The following ZFYVE28 variants were observed in gnomAD, a reference collection of about 807,000 sequenced individuals.
ZFYVE28 encodes the protein zinc finger FYVE-type containing 28.
Under a neutral mutation model 82.1 loss-of-function variants are expected in ZFYVE28, and 40 were observed. The observed-to-expected ratio is 0.49, with a 90% CI of 0.38 to 0.63. The LOEUF (loss-of-function observed/expected upper bound fraction) is 0.63. ZFYVE28 is among the 30% of genes least tolerant of loss of function. The pLI, the probability that ZFYVE28 is intolerant of heterozygous loss-of-function variation, is 0.00. For missense variants in ZFYVE28, 1,321 were observed against 1,242.1 expected (o/e 1.06, Z -0.96); for synonymous variants, 612 against 546.1 (o/e 1.12, Z -1.68).
intron 8 of ZFYVE28, among the ~76,000 whole-genome samples, chr4:2,291,098 C>G (rs1445769368): frequency 6.6e-6 from 1 of 152,226 alleles, no homozygotes; most frequent in East Asian, 1.9e-4. Context: ...CGTCTCGCAC[C>G]TTGCAGGCGC....
At chr4:2,407,706 T>A (rs1396353056) in intron 1 of ZFYVE28, among the ~76,000 whole-genome samples, 1 of 152,144 alleles carries the variant, frequency 6.6e-6, no homozygotes, top group African/African-American at 2.4e-5. Context: ...TTCTCCTGCC[T>A]CAGCCTCCCG....
chr4:2,322,192 G>A (rs906772747), intron 6 of ZFYVE28, among the ~76,000 whole-genome samples: 1 of 152,240 alleles, frequency 6.6e-6, no homozygotes, highest in Non-Finnish European at 1.5e-5. Context: ...TGAAGTAACG[G>A]GGTGTGGGGG....
At position 2,339,780 on chromosome 4, in the gene ZFYVE28, C is replaced by A; in HGVS notation, c.319-125G>T. 1.2e-6 allele frequency: 1 copy of A among 815,322 alleles called. No homozygotes were observed. The highest frequency in any genetic ancestry group is 1.9e-6 in the Non-Finnish European group (1 of 531,890). 50.5% of individuals were successfully genotyped at this position (815,322 alleles called of 1,614,324 possible). A position where few individuals can be genotyped will look rare whatever the true frequency, so the allele number is the denominator to read the frequency against. On this transcript the variant is annotated intron_variant, in intron 3 of 12. Coordinates refer to ENST00000290974, the MANE Select transcript of ZFYVE28 (RefSeq NM_020972.3). The surrounding 1 kb of genome is among the most constrained non-coding windows in gnomAD (Gnocchi z 5.0). Reference sequence around the variant, plus strand: ...TCTCACCCCACAGCACAGGCCAGCTCGTGTTCCCGGTCCCCGCAGGAGGTT... The same window carrying A: ...TCTCACCCCACAGCACAGGCCAGCTAGTGTTCCCGGTCCCCGCAGGAGGTT...
chr4:2,415,394 A>T (rs577300340), intron 1 of ZFYVE28, among the ~76,000 whole-genome samples: 1 of 151,516 alleles, frequency 6.6e-6, no homozygotes, highest in South Asian at 2.1e-4. Context: ...AGGCAGGAGG[A>T]TTGCTTGAGG....
At chr4:2,310,532 G>T (rs1281600355) in intron 7 of ZFYVE28, among the ~76,000 whole-genome samples, 1 of 152,164 alleles carries the variant, frequency 6.6e-6, no homozygotes, top group Non-Finnish European at 1.5e-5. Context: ...GGCTGGGTAT[G>T]GTGGCTCATG....
At chr4:2,278,466 G>A (rs1736679128) in intron 8 of ZFYVE28, among the ~76,000 whole-genome samples, 1 of 152,032 alleles carries the variant, frequency 6.6e-6, no homozygotes, top group Admixed American at 6.6e-5. Context: ...GGGATTACAG[G>A]CGTGAGCCAC....
chr4:2,406,701 G>T (rs559282423), intron 1 of ZFYVE28: 2 of 152,354 alleles, frequency 1.3e-5, no homozygotes, highest in African/African-American at 4.8e-5. Flanking sequence ...TGCACTCTCA[G>T]TCTCTGTCTG....
Position 2,407,954 on chromosome 4 carries a change from C to T in ZFYVE28, c.39+10331G>A, listed in dbSNP as rs574760861. Among the ~76,000 whole-genome samples the T allele has an allele frequency of 3.1e-4, 47 of 152,312 alleles. No individual in the cohort carries two copies. The South Asian group carries it at 9.3e-3, about 30-fold the overall frequency. On this transcript the variant is annotated intron_variant, in intron 1 of 12. Transcript: ENST00000290974. ...TTACGCATGCCAGGGAGTGTGCTCA[C>T]GGAGAACCCCTTTCTCCTCTGTCTT...
At chr4:2,357,740 T>C (rs1042070556) in intron 1 of ZFYVE28, among the ~76,000 whole-genome samples, 7 of 152,084 alleles carry the variant, frequency 4.6e-5, no homozygotes, top group Non-Finnish European at 2.9e-5. Flanking sequence ...ACAGGCCAGG[T>C]ACTGAATTTA....
rs368035767 is a variant in ZFYVE28, at chr4:2,304,690, G to A, written c.1650C>T (p.His550=). ...PVAEGMDGGP[H]KLSTGATNCL... ...AGTTGGTGGCCCCAGTGCTAAGCTT[G>A]TGGGGGCCGCCATCCATCCCCTCGG... Residue 550 remains histidine (H), a synonymous_variant, in exon 8 of 13, where the codon CAC becomes CAT. Transcript: ENST00000290974. The A allele has an allele frequency of 5.6e-6, 9 of 1,612,628 alleles. No homozygotes were observed. The South Asian group carries it at 6.6e-5, about 12-fold the overall frequency.
At chr4:2,289,342 G>T (rs536583814) in intron 8 of ZFYVE28, among the ~76,000 whole-genome samples, 2 of 152,170 alleles carry the variant, frequency 1.3e-5, no homozygotes, top group Non-Finnish European at 2.9e-5. Flanking sequence ...AGATTCCTTC[G>T]AACAAGGGTG....
chr4:2,405,866 G>T (rs979557685), intron 1 of ZFYVE28, among the ~76,000 whole-genome samples: 9 of 152,052 alleles, frequency 5.9e-5, no homozygotes, highest in Non-Finnish European at 1.2e-4. Flanking sequence ...TGGCCAACAT[G>T]GTGAAACCCC....
chr4:2,409,280 A>C lies in ZFYVE28; in HGVS notation c.39+9005T>G. 1.5e-5 allele frequency among the ~76,000 whole-genome samples: 2 copies of C among 130,436 alleles called. No individual in the cohort carries two copies. Among genetic ancestry groups the C allele is most frequent in the African/African-American group, 3.0e-5 (1 of 33,194 alleles). 85.6% of individuals were successfully genotyped at this position (130,436 alleles called of 152,430 possible). On this transcript the variant is annotated intron_variant, in intron 1 of 12. Coordinates refer to ENST00000290974, the MANE Select transcript of ZFYVE28 (RefSeq NM_020972.3). The surrounding 1 kb of genome is among the most constrained non-coding windows in gnomAD (Gnocchi z 4.4). ...CCAGATCCATCTACTTTCTCCATCC[A>C]GAGTCGCCTGCTGCCATCCTCTCGC... is the stretch of plus-strand genomic sequence containing the variant.
At position 2,274,108 on chromosome 4, in the gene ZFYVE28, G is replaced by A. The variant is rs2051561; in HGVS notation, c.2160C>T (p.Phe720=). Residue 720 remains phenylalanine, a synonymous_variant, in exon 9 of 13, where the codon TTC becomes TTT. Transcript: ENST00000290974. ...GGTGGATGAGGTCGTGGCTGCCGTG[G>A]AACCTGGACCGGATCTTCTCTCTTG... ...QATREKIRSR[F]HGSHDLIHRL... The A allele has an allele frequency of 0.51, 817,177 of 1,613,654 alleles. 213,941 individuals are homozygous for A. Among genetic ancestry groups the A allele is most frequent in the Admixed American group, 0.55 (33,006 of 60,012 alleles).
Position 2,320,215 on chromosome 4 carries a change from A to T in ZFYVE28, c.758T>A (p.Met253Lys). 6.2e-7 allele frequency: 1 copy of T among 1,612,716 alleles called. No homozygotes were observed. The highest frequency in any genetic ancestry group is 8.5e-7 in the Non-Finnish European group (1 of 1,179,578). The change falls in exon 7 of 13, where the codon ATG becomes AAG. Residue 253 changes from methionine to lysine, a missense_variant. Met to Lys is a moderately conservative substitution (Grantham distance 95, BLOSUM62 -1). This residue lies in a region of ZFYVE28 where 343 missense variants were observed against 408.4 expected (regional missense o/e 0.84). Coordinates refer to ENST00000290974, the MANE Select transcript of ZFYVE28 (RefSeq NM_020972.3). This position sits in a 1 kb window ranked among gnomAD's most constrained non-coding sequence, Gnocchi z 5.1. Reference sequence around the variant, plus strand: ...GTGGAAGGGCCGGAACAGCTCGGACATGTCTTCCACCTTGCGGTCCAAGTT... The same window carrying T: ...GTGGAAGGGCCGGAACAGCTCGGACTTGTCTTCCACCTTGCGGTCCAAGTT... ...PLNLDRKVED[M>K]SELFRPFHTL...
At chr4:2,288,655 C>T (rs1414756915) in intron 8 of ZFYVE28, among the ~76,000 whole-genome samples, 1 of 152,250 alleles carries the variant, frequency 6.6e-6, no homozygotes, top group African/African-American at 2.4e-5. Flanking sequence ...AACTTAACCT[C>T]CCAGGGCCTT....
Position 2,352,217 on chromosome 4 carries a change from G to A in ZFYVE28, c.180+1716C>T, listed in dbSNP as rs545879246. On this transcript the variant is annotated intron_variant, in intron 2 of 12. Coordinates refer to ENST00000290974, the MANE Select transcript of ZFYVE28 (RefSeq NM_020972.3). ...AGGTGGGCCCTGTGAGATGCCCTCAGGGAGCTGGGAGGAACACCGGGGAGC... is the reference window on the plus strand; with the variant it reads ...AGGTGGGCCCTGTGAGATGCCCTCAAGGAGCTGGGAGGAACACCGGGGAGC... Among the ~76,000 whole-genome samples, 8 of 152,290 alleles carry A rather than the reference G, an allele frequency of 5.3e-5. No homozygotes were observed. The South Asian group carries it at 1.5e-3, about 28-fold the overall frequency.
chr4:2,405,688 G>C (rs2108680330), intron 1 of ZFYVE28, among the ~76,000 whole-genome samples: 1 of 152,362 alleles, frequency 6.6e-6, no homozygotes, highest in South Asian at 2.1e-4. Context: ...GAAGGAGCCA[G>C]GTGAGGCCGA....
chr4:2,342,856 A>T (rs528357431), intron 2 of ZFYVE28: 1 of 152,320 alleles, frequency 6.6e-6, no homozygotes, highest in Admixed American at 6.5e-5. Context: ...AAAGGAGAGA[A>T]GTGGGGAAAA....
Sources: allele counts gnomAD v4.1 joint callset (sites outside exome capture counted in the v4.1 genomes callset), GRCh38; gene constraint gnomAD v4.1.1; regional missense constraint gnomAD v4.1.1; non-coding constraint Gnocchi (gnomAD v3.1); transcripts MANE v1.5; gene names NCBI Gene and HGNC (gene_info 2026-07-23, HGNC 2026-07-21).